Variants in PPP6R3 observed in about 807,000 individuals in gnomAD.
The protein encoded by PPP6R3 is protein phosphatase 6 regulatory subunit 3, also known as serine/threonine-protein phosphatase 6 regulatory subunit 3.
Under a neutral mutation model 110.7 loss-of-function variants are expected in PPP6R3, and 38 were observed. That is an observed-to-expected ratio of 0.34 (90% confidence interval 0.26 to 0.45). PPP6R3 has a LOEUF of 0.45. Ranked by LOEUF, PPP6R3 falls within the 20% of genes least tolerant of loss-of-function variation. The pLI, the probability that PPP6R3 is intolerant of heterozygous loss-of-function variation, is 1.00. For missense variants in PPP6R3, 870 were observed against 1,062.4 expected, an observed-to-expected ratio of 0.82 and a Z score of 2.52; for synonymous variants, 369 against 373.5, an observed-to-expected ratio of 0.99 and a Z score of 0.14.
At chr11:68,507,992 G>A (rs187653395) in intron 1 of PPP6R3, among the ~76,000 whole-genome samples, 5 of 151,820 alleles carry the variant, frequency 3.3e-5, no homozygotes, top group Admixed American at 2.6e-4. Context: ...GATTGCTTGA[G>A]CCTAAGTGTT....
intron 18 of PPP6R3, among the ~76,000 whole-genome samples, chr11:68,593,552 GAA>G (rs1187057827): frequency 6.6e-6 from 1 of 152,058 alleles, no homozygotes; most frequent in African/African-American, 2.4e-5. Flanking sequence ...ATAACAAAAC[GAA>G]AAGTTATTGT....
intron 5 of PPP6R3, among the ~76,000 whole-genome samples, chr11:68,550,191 A>G (rs538948521): frequency 1.3e-5 from 2 of 152,312 alleles, no homozygotes; most frequent in East Asian, 1.9e-4. Context: ...TAAAACAGAT[A>G]TTAAAATATG....
intron 7 of PPP6R3, 163 bp from the exon 8 acceptor site, chr11:68,558,403 G>T: frequency 2.1e-6 from 1 of 470,456 alleles, no homozygotes; most frequent in Non-Finnish European, 3.7e-6. Flanking sequence ...TTATAAATAG[G>T]ATCAATTGCC....
At chr11:68,524,742 A>G (rs2099187262) in intron 2 of PPP6R3, among the ~76,000 whole-genome samples, 1 of 152,130 alleles carries the variant, frequency 6.6e-6, no homozygotes, top group South Asian at 2.1e-4. Context: ...CTGCTGACTT[A>G]CCCATTATTA....
chr11:68,478,647 GTTTTTTTTTTTTTTT>G (rs769296530), intron 1 of PPP6R3, among the ~76,000 whole-genome samples: 1 of 50,506 alleles, frequency 2.0e-5, no homozygotes, highest in Non-Finnish European at 3.1e-5. Context: ...CACTTGGTAA[GTTTTTTTTTTTTTTT>G]TTTTTTTTTT....
intron 5 of PPP6R3, chr11:68,550,918 T>TG (rs1336266749): frequency 7.9e-6 from 4 of 506,844 alleles, no homozygotes; most frequent in Non-Finnish European, 1.4e-5. Flanking sequence ...GGGGAGTTGT[T>TG]GGTACTGTTG....
At chr11:68,536,472 G>A (rs2099271510) in intron 2 of PPP6R3, among the ~76,000 whole-genome samples, 1 of 151,916 alleles carries the variant, frequency 6.6e-6, no homozygotes, top group South Asian at 2.1e-4. Context: ...ACTATGTTGT[G>A]TAGGCCGTTC....
chr11:68,528,444 G>GC (rs1555110026), intron 2 of PPP6R3, among the ~76,000 whole-genome samples: 7 of 135,038 alleles, frequency 5.2e-5, no homozygotes, highest in African/African-American at 1.9e-4. Context: ...GGGGGGGGGG[G>GC]CTGCACCTTT....
At chr11:68,499,539 C>T (rs2099037046) in intron 1 of PPP6R3, among the ~76,000 whole-genome samples, 1 of 152,028 alleles carries the variant, frequency 6.6e-6, no homozygotes, top group Non-Finnish European at 1.5e-5. Flanking sequence ...TCTAGCTTTG[C>T]CATGTTCTGT....
rs142840419 is a variant in PPP6R3, at chr11:68,505,116, A to G, written c.-157-14385A>G. ...TTTAGGATTTGAAGTGTCTTAAGTA[A>G]TCATTTAGTCTAAACCTCTCATTTA... is the stretch of plus-strand genomic sequence containing the variant. On this transcript the variant is annotated intron_variant, in intron 1 of 23. Transcript: ENST00000393800. The G allele has an allele frequency of 6.6e-5, 10 of 152,290 alleles. No individual in the cohort carries two copies. The East Asian group carries it at 1.9e-3, about 29-fold the overall frequency. The allele number at this position is 152,290 out of a possible 1,614,324, so 9.4% of individuals were successfully genotyped here.
In PPP6R3 at chr11:68,546,885, CAT is replaced by C. The variant is rs200362696; in HGVS notation, c.415-1181_415-1180del. Among the ~76,000 whole-genome samples the C allele has an allele frequency of 5.1e-3, 770 of 152,302 alleles. 3 individuals are homozygous for C. The highest frequency in any genetic ancestry group is 0.016 in the African/African-American group (645 of 41,570). On this transcript the variant is annotated intron_variant, in intron 4 of 23. Transcript: ENST00000393800. Reference sequence around the variant, plus strand: ...ACTGAATTACGGAATACTTGGGACACATGTGACTTTTTTCGTCCTTTCTCCTC... The same window carrying C: ...ACTGAATTACGGAATACTTGGGACACGTGACTTTTTTCGTCCTTTCTCCTC...
At chr11:68,469,879 C>G (rs1197848729) in intron 1 of PPP6R3, among the ~76,000 whole-genome samples, 1 of 152,296 alleles carries the variant, frequency 6.6e-6, no homozygotes, top group South Asian at 2.1e-4. Flanking sequence ...AAGGCAAATA[C>G]CTTGTATGTA....
At chr11:68,570,700 T>G (rs1363823634) in intron 11 of PPP6R3, among the ~76,000 whole-genome samples, 1 of 152,258 alleles carries the variant, frequency 6.6e-6, no homozygotes, top group Non-Finnish European at 1.5e-5. Flanking sequence ...ATAGTTTTCT[T>G]TATTCCATTT....
At chr11:68,531,558 C>T (rs1481161536) in intron 2 of PPP6R3, among the ~76,000 whole-genome samples, 1 of 151,978 alleles carries the variant, frequency 6.6e-6, no homozygotes, top group East Asian at 1.9e-4. Flanking sequence ...TTCCAAAATG[C>T]TGGGATTACA....
chr11:68,528,431 T>G (rs953735593), intron 2 of PPP6R3, among the ~76,000 whole-genome samples: 21 of 36,030 alleles, frequency 5.8e-4, no homozygotes, highest in African/African-American at 9.6e-4. Context: ...AATTTGTGTG[T>G]GTGGGGGGGG....
intron 1 of PPP6R3, among the ~76,000 whole-genome samples, chr11:68,514,187 G>C (rs569972403): frequency 6.6e-6 from 1 of 152,018 alleles, no homozygotes; most frequent in Non-Finnish European, 1.5e-5. Flanking sequence ...GCCTTAGCCT[G>C]TTGAGTAGCT....
At chr11:68,511,640 C>T (rs1027227369) in intron 1 of PPP6R3, among the ~76,000 whole-genome samples, 1 of 151,692 alleles carries the variant, frequency 6.6e-6, no homozygotes, top group Non-Finnish European at 1.5e-5. Context: ...GCCACCACAC[C>T]TGGCTAATTT....
Position 68,486,187 on chromosome 11 carries a change from A to G in PPP6R3, c.-158+25360A>G, listed in dbSNP as rs191448359. Among the ~76,000 whole-genome samples the G allele has an allele frequency of 7.4e-4, 112 of 152,102 alleles. 2 individuals are homozygous for G. In the East Asian group the frequency reaches 0.018, roughly 24 times the overall value. ...TTTTATGTATTGATTCAGTTTTCCC[A>G]TATTTTGTTGAGGATTTTTATATCT... On this transcript the variant is annotated intron_variant, in intron 1 of 23. Coordinates refer to ENST00000393800, the MANE Select transcript of PPP6R3 (RefSeq NM_001164161.2).
chr11:68,514,483 C>T (rs1002077855), intron 1 of PPP6R3, among the ~76,000 whole-genome samples: 2 of 152,082 alleles, frequency 1.3e-5, no homozygotes, highest in African/African-American at 4.8e-5. Flanking sequence ...TTGAATTATA[C>T]CTTGTATCCT....
Sources: allele counts gnomAD v4.1 joint callset (sites outside exome capture counted in the v4.1 genomes callset), GRCh38; gene constraint gnomAD v4.1.1; transcripts MANE v1.5; gene names NCBI Gene and HGNC (gene_info 2026-07-23, HGNC 2026-07-21).